MED13L: variants seen among roughly 807,000 people sequenced by gnomAD.
The protein encoded by MED13L is mediator of RNA polymerase II transcription subunit 13-like.
MED13L carries 7 observed loss-of-function variants against 220.9 expected under a neutral mutation model. The ratio of observed to expected loss-of-function variants is 0.03; its 90% CI spans 0.02 to 0.06. The LOEUF is 0.06. MED13L is among the 10% of genes least tolerant of loss of function. The pLI is 1.00. For missense variants in MED13L, 1,965 were observed against 2,760.5 expected (o/e 0.71, Z 6.46); for synonymous variants, 1,011 against 1,015.2 (o/e 1.00, Z 0.08).
At chr12:116,241,836 G>T (rs180856945) in intron 1 of MED13L, among the ~76,000 whole-genome samples, 116 of 152,188 alleles carry the variant, frequency 7.6e-4, no homozygotes, top group Admixed American at 1.3e-3. Context: ...GCCTAAAAGA[G>T]ATAACTAAGT....
chr12:116,249,692 GA>G (rs888902480), intron 1 of MED13L, among the ~76,000 whole-genome samples: 1 of 34,170 alleles, frequency 2.9e-5, no homozygotes, highest in Admixed American at 4.1e-4. Flanking sequence ...AATATAAAAT[GA>G]AAAATTCGCT....
chr12:116,175,758 C>G (rs1325861977), intron 2 of MED13L, among the ~76,000 whole-genome samples: 1 of 151,910 alleles, frequency 6.6e-6, no homozygotes, highest in African/African-American at 2.4e-5. Context: ...ACTACAGTTA[C>G]AAGTGAAGAA....
intron 2 of MED13L, among the ~76,000 whole-genome samples, chr12:116,226,240 C>G (rs1346726416): frequency 6.6e-6 from 1 of 151,940 alleles, no homozygotes; most frequent in African/African-American, 2.4e-5. Flanking sequence ...TGTAGAAGCC[C>G]TTTAGTTCAA....
At chr12:116,122,227 G>A (rs757610575) in intron 2 of MED13L, among the ~76,000 whole-genome samples, 1 of 152,030 alleles carries the variant, frequency 6.6e-6, no homozygotes, top group African/African-American at 2.4e-5. Context: ...ATAAATAAAC[G>A]ATTTTGAAGT....
chr12:116,056,873 G>A (rs137983083), intron 4 of MED13L, among the ~76,000 whole-genome samples: 44 of 152,242 alleles, frequency 2.9e-4, no homozygotes, highest in African/African-American at 9.6e-4. Context: ...ATTTTGCTGT[G>A]GTTTGTGATC....
chr12:116,276,300 TG>T, intron 1 of MED13L: 3 of 439,088 alleles, frequency 6.8e-6, no homozygotes, highest in Non-Finnish European at 1.0e-5. Flanking sequence ...CCGACCAGCT[TG>T]TTGCTTTTGT....
intron 2 of MED13L, among the ~76,000 whole-genome samples, chr12:116,153,573 G>A (rs1484485891): frequency 6.6e-6 from 1 of 152,036 alleles, no homozygotes; most frequent in Non-Finnish European, 1.5e-5. Context: ...CCCCCTTAAA[G>A]GCCAAAAGCA....
intron 1 of MED13L, chr12:116,276,710 CG>C (rs869260725): frequency 7.0e-6 from 8 of 1,148,822 alleles, no homozygotes; most frequent in African/African-American, 5.5e-5. Context: ...TCCACATTTA[CG>C]GGGGGAAAAA....
chr12:116,130,961 T>C (rs1876017998), intron 2 of MED13L, among the ~76,000 whole-genome samples: 1 of 152,162 alleles, frequency 6.6e-6, no homozygotes, highest in Admixed American at 6.5e-5. Context: ...TAAACACACA[T>C]GAAAAAGCTT....
intron 2 of MED13L, among the ~76,000 whole-genome samples, chr12:116,185,747 A>T (rs1880852309): frequency 6.6e-6 from 1 of 151,102 alleles, no homozygotes; most frequent in African/African-American, 2.4e-5. Context: ...CCCAGGCTGG[A>T]GTGCAGTGGC....
chr12:116,229,526 T>C (rs1318723099), intron 2 of MED13L, among the ~76,000 whole-genome samples: 1 of 152,228 alleles, frequency 6.6e-6, no homozygotes, highest in Non-Finnish European at 1.5e-5. Context: ...GTCTCATTTT[T>C]CATAGAAAAA....
At chr12:116,006,237 T>A in intron 12 of MED13L, 69 bp downstream of exon 12, 10 of 1,412,648 alleles carry the variant, frequency 7.1e-6, no homozygotes, top group Non-Finnish European at 1.0e-5. Flanking sequence ...AAATTTTACA[T>A]TGAGAAGCAT....
rs1362876706 is a variant in MED13L at position 116,175,244 on chromosome 12, G to A, written c.310+62224C>T. On this transcript the variant is annotated intron_variant, in intron 2 of 30. Coordinates refer to ENST00000281928, the MANE Select transcript of MED13L (RefSeq NM_015335.5). The stretch of plus-strand genomic sequence containing the variant: ...AAGATTTATCTCAAGCAAGATTTGG[G>A]TCATGACTAAATTCCATTTGAAATA... Among the ~76,000 whole-genome samples the A allele has an allele frequency of 2.0e-5, 3 of 152,034 alleles. No individual in the cohort carries two copies. The East Asian group carries it at 5.8e-4, about 29-fold the overall frequency.
chr12:116,192,960 G>A (rs1293851160), intron 2 of MED13L, among the ~76,000 whole-genome samples: 1 of 152,126 alleles, frequency 6.6e-6, no homozygotes, highest in East Asian at 1.9e-4. Context: ...GTGAAACCGC[G>A]TCTCTATTAA....
At chr12:116,219,921 C>G (rs955746067) in intron 2 of MED13L, among the ~76,000 whole-genome samples, 2 of 152,034 alleles carry the variant, frequency 1.3e-5, no homozygotes, top group Non-Finnish European at 2.9e-5. Flanking sequence ...CTCAGCCTCC[C>G]GAGTAGCTGA....
At chr12:116,156,381 A>G (rs940356407) in intron 2 of MED13L, among the ~76,000 whole-genome samples, 2 of 148,870 alleles carry the variant, frequency 1.3e-5, no homozygotes, top group Non-Finnish European at 3.0e-5. Context: ...GCACAGTGTA[A>G]ATGTAAAGTC....
Position 116,009,101 on chromosome 12 carries a change from G to A in MED13L, c.1312C>T (p.Pro438Ser), listed in dbSNP as rs1196276425. The stretch of plus-strand genomic sequence containing the variant: ...TGAGATACTGTGGGAGGTCGATTGG[G>A]CCCGACTGCACAACGTTTTAAAAGC... ...HKLLKRCAVG[P>S]NRPPTVSQPG... The change falls in exon 10 of 31, where the codon CCC becomes TCC. Residue 438 changes from proline to serine, a missense_variant. Around this residue, in one of 10 missense-constraint regions of MED13L, gnomAD observed 818 missense variants for 1,041.2 expected, o/e 0.79. Transcript: ENST00000281928. 1 of 1,613,994 alleles carries A rather than the reference G, an allele frequency of 6.2e-7. No individual in the cohort carries two copies.
intron 2 of MED13L, among the ~76,000 whole-genome samples, chr12:116,121,965 A>C (rs1467651273): frequency 1.3e-5 from 2 of 152,194 alleles, no homozygotes; most frequent in Admixed American, 6.5e-5. Context: ...CACAGGAAAC[A>C]AGTACATTGT....
chr12:116,085,632 G>A (rs1008006088), intron 4 of MED13L, among the ~76,000 whole-genome samples: 4 of 151,998 alleles, frequency 2.6e-5, no homozygotes, highest in African/African-American at 9.7e-5. Flanking sequence ...AAATTATGAT[G>A]TACACTGGAA....
Sources: allele counts gnomAD v4.1 joint callset (sites outside exome capture counted in the v4.1 genomes callset), GRCh38; gene constraint gnomAD v4.1.1; regional missense constraint gnomAD v4.1.1; transcripts MANE v1.5; gene names NCBI Gene and HGNC (gene_info 2026-07-23, HGNC 2026-07-21).